CLDN2: variants seen among roughly 807,000 people sequenced by gnomAD.
CLDN2 encodes the protein claudin-2.
Under a neutral mutation model 8.2 loss-of-function variants are expected in CLDN2, and 1 was observed. The observed-to-expected ratio is 0.12, with a 90% confidence interval of 0.04 to 0.58. The LOEUF is 0.58. Ranked by LOEUF, CLDN2 falls within the 20% of genes least tolerant of loss-of-function variation. The pLI is 0.90. For missense variants in CLDN2, 108 were observed against 172.9 expected (o/e 0.62, Z 2.11); for synonymous variants, 70 against 70.2 (o/e 1.00, Z 0.01).
At chrX:106,914,678 T>C (rs1201491899), upstream of CLDN2, among the ~76,000 whole-genome samples, 2 of 111,968 alleles carry the variant, frequency 1.8e-5, no homozygotes, top group African/African-American at 6.5e-5. Flanking sequence ...TATAATGTAA[T>C]AGGTTTATAA....
rs890596206 is a variant in CLDN2 at position 106,930,801 on chromosome X, C to T, written c.*1880C>T. The T allele has an allele frequency of 1.6e-5, 2 of 123,278 alleles. No individual in the cohort carries two copies. The highest frequency in any genetic ancestry group is 6.5e-5 in the African/African-American group (2 of 30,700). 10.2% of individuals were successfully genotyped at this position (123,278 alleles called of 1,213,427 possible). A position where few individuals can be genotyped will look rare whatever the true frequency, so the allele number is the denominator to read the frequency against. ...ATATCCTAGACCTCTCTGTATCCCCCAGACTATCTGTAACAGTGCCAGGCA... is the reference window on the plus strand; with the variant it reads ...ATATCCTAGACCTCTCTGTATCCCCTAGACTATCTGTAACAGTGCCAGGCA... On this transcript the variant is annotated 3_prime_UTR_variant, in exon 2 of 2. Coordinates refer to ENST00000336803, the MANE Select transcript of CLDN2 (RefSeq NM_020384.4).
chrX:106,902,013 A>G, intron 1 of CLDN2: 1 of 526,584 alleles, frequency 1.9e-6, no homozygotes, highest in South Asian at 3.3e-5. Flanking sequence ...AATGTTGGCA[A>G]AACTGTGAGG....
rs1194085483 is a variant in CLDN2, at chrX:106,928,708, T to G, written c.480T>G (p.Ile160Met). 1 of 1,211,396 alleles carries G rather than the reference T, an allele frequency of 8.3e-7. No individual in the cohort carries two copies. The highest frequency in any genetic ancestry group is 1.8e-5 in the South Asian group (1 of 56,960). The change falls in exon 2 of 2, where the codon ATT becomes ATG. Residue 160 changes from isoleucine (I) to methionine (M), a missense_variant. By Grantham distance (10) the Ile-to-Met change is conservative. This residue lies in a region of CLDN2 where 81 missense variants were observed against 100.8 expected (regional missense o/e 0.80). Transcript: ENST00000336803. ...TGCCTGACAGCATGAAATTTGAGAT[T>G]GGAGAGGCTCTTTACTTGGGCATTA... Reference protein sequence around the residue: ...PLVPDSMKFEIGEALYLGIIS... With the variant: ...PLVPDSMKFEMGEALYLGIIS...
intron 1 of CLDN2, among the ~76,000 whole-genome samples, chrX:106,903,639 G>A (rs1051451617): frequency 5.4e-5 from 6 of 111,920 alleles, no homozygotes; most frequent in Non-Finnish European, 9.4e-5. Context: ...AAGGAGAGGA[G>A]CTCATTAGCA....
At chrX:106,914,796 T>C (rs986018492), upstream of CLDN2, among the ~76,000 whole-genome samples, 2 of 111,816 alleles carry the variant, frequency 1.8e-5, no homozygotes, top group East Asian at 5.6e-4. Flanking sequence ...TAAAAGCCCT[T>C]TGGAGTCCTC....
chrX:106,914,167 T>C (rs1332449627), upstream of CLDN2, among the ~76,000 whole-genome samples: 1 of 109,063 alleles, frequency 9.2e-6, no homozygotes, highest in East Asian at 2.9e-4. Context: ...CCCAGGGTAG[T>C]CTCAAACTCC....
intron 1 of CLDN2, among the ~76,000 whole-genome samples, chrX:106,920,962 C>G (rs759253153): frequency 6.2e-4 from 69 of 111,464 alleles, no homozygotes; most frequent in African/African-American, 2.2e-3. Context: ...AGGGAGGTAG[C>G]AGAAGGTGGG....
intron 1 of CLDN2, among the ~76,000 whole-genome samples, chrX:106,912,612 C>T (rs144915485): frequency 2.8e-4 from 31 of 109,644 alleles, no homozygotes; most frequent in African/African-American, 9.6e-4. Flanking sequence ...GACACAGTGT[C>T]GCTATGTTGC....
intron 1 of CLDN2, among the ~76,000 whole-genome samples, chrX:106,925,705 C>T (rs1213158110): frequency 8.9e-6 from 1 of 112,278 alleles, no homozygotes; most frequent in Non-Finnish European, 1.9e-5. Context: ...TGCTATAATC[C>T]AGGTGAAAGA....
intron 1 of CLDN2, among the ~76,000 whole-genome samples, chrX:106,910,101 C>A (rs1044465201): frequency 9.0e-6 from 1 of 110,763 alleles, no homozygotes. Flanking sequence ...CCCCCTTTCC[C>A]AGCCTGGCCT....
upstream of CLDN2, among the ~76,000 whole-genome samples, chrX:106,916,910 C>T (rs893836381): frequency 1.4e-4 from 16 of 111,551 alleles, no homozygotes; most frequent in Admixed American, 1.2e-3. Context: ...ATTAGCTGGG[C>T]GTGGCGGCAC....
chrX:106,927,931 T>TA (rs1933491741), intron 1 of CLDN2, 120 bp from the exon 2 acceptor site: 2 of 213,575 alleles, frequency 9.4e-6, no homozygotes, highest in Non-Finnish European at 8.1e-6. Flanking sequence ...CAAAGTTGTT[T>TA]TTTTTTTCCT....
intron 1 of CLDN2, among the ~76,000 whole-genome samples, chrX:106,924,634 T>G (rs1369720258): frequency 9.1e-6 from 1 of 110,337 alleles, no homozygotes; most frequent in Non-Finnish European, 1.9e-5. Context: ...TGTGGAAGCA[T>G]GATAGACATT....
upstream of CLDN2, among the ~76,000 whole-genome samples, chrX:106,913,675 G>A (rs891826836): frequency 4.5e-5 from 5 of 111,452 alleles, no homozygotes; most frequent in African/African-American, 1.6e-4. Flanking sequence ...TCACAAGGCT[G>A]AGATGAAGTG....
chrX:106,913,384 G>A (rs1262669729), upstream of CLDN2, among the ~76,000 whole-genome samples: 1 of 112,090 alleles, frequency 8.9e-6, no homozygotes, highest in African/African-American at 3.2e-5. Context: ...TGTGAGCCAC[G>A]GTGCCTGGCT....
intron 1 of CLDN2, among the ~76,000 whole-genome samples, chrX:106,904,250 C>T (rs1458404799): frequency 1.8e-5 from 2 of 113,081 alleles, no homozygotes; most frequent in African/African-American, 6.4e-5. Flanking sequence ...CCCGGGCAAG[C>T]CCAGAGGCCT....
At chrX:106,911,717 G>A (rs1213032824) in intron 1 of CLDN2, among the ~76,000 whole-genome samples, 2 of 112,422 alleles carry the variant, frequency 1.8e-5, no homozygotes, top group African/African-American at 6.5e-5. Flanking sequence ...AGGTGCTGTG[G>A]CTTAATCTTG....
chrX:106,909,146 C>G (rs1933216816), intron 1 of CLDN2, among the ~76,000 whole-genome samples: 1 of 112,090 alleles, frequency 8.9e-6, no homozygotes, highest in African/African-American at 3.2e-5. Context: ...GAGTAGAGAA[C>G]ATTTGTTAAA....
upstream of CLDN2, among the ~76,000 whole-genome samples, chrX:106,917,904 T>C (rs1005164286): frequency 7.2e-5 from 8 of 111,285 alleles, no homozygotes; most frequent in Non-Finnish European, 1.5e-4. Flanking sequence ...GCAGAAGGAT[T>C]ACTAAAGAAC....
Sources: allele counts gnomAD v4.1 joint callset (sites outside exome capture counted in the v4.1 genomes callset), GRCh38; gene constraint gnomAD v4.1.1; regional missense constraint gnomAD v4.1.1; transcripts MANE v1.5; gene names NCBI Gene and HGNC (gene_info 2026-07-23, HGNC 2026-07-21).